Variants in OR52A1 observed in about 807,000 individuals in gnomAD.
OR52A1 encodes the protein olfactory receptor 52A1.
OR52A1 carries 14 observed loss-of-function variants against 14.3 expected under a neutral mutation model. The observed-to-expected ratio is 0.98, with a 90% CI of 0.65 to 1.54. The LOEUF (loss-of-function observed/expected upper bound fraction) is 1.54, where lower values mean the gene tolerates loss of function less well. OR52A1 is among the 40% of genes most tolerant of loss of function. The pLI is 0.00. For missense variants in OR52A1, 405 were observed against 381.3 expected, an observed-to-expected ratio of 1.06 and a Z score of -0.52; for synonymous variants, 151 against 135.3, an observed-to-expected ratio of 1.12 and a Z score of -0.80.
Position 5,154,494 on chromosome 11 carries a change from G to A in OR52A1, c.-369C>T, listed in dbSNP as rs1369984176. On this transcript the variant is annotated 5_prime_UTR_variant, in exon 1 of 2. Transcript: ENST00000380367. ...CCAGCTTCATTCCCTTAAGTTGTGG[G>A]TTCTGTGATGGCTCTACTTTCTGTC... 1 of 152,148 alleles carries A rather than the reference G, an allele frequency of 6.6e-6. No individual in the cohort carries two copies. Among genetic ancestry groups the A allele is most frequent in the Non-Finnish European group, 1.5e-5 (1 of 68,036 alleles). The allele number at this position is 152,148 out of a possible 1,614,324, so 9.4% of individuals were successfully genotyped here. A position where few individuals can be genotyped will look rare whatever the true frequency, so the allele number is the denominator to read the frequency against.
At position 5,151,827 on chromosome 11, in the gene OR52A1, G is replaced by A; in HGVS notation, c.543C>T (p.Tyr181=). ...GTTTCACAATGGCCATATGCTCACA[G>A]TAGGAGTGGGAGATGACTGTTGTGT... ...FYHTTVISHS[Y]CEHMAIVKLA... The change falls in exon 2 of 2, where the codon TAC becomes TAT. Residue 181 remains tyrosine (Y), a synonymous_variant. Transcript: ENST00000380367. 1 of 1,614,164 alleles carries A rather than the reference G, an allele frequency of 6.2e-7. No homozygotes were observed. The highest frequency in any genetic ancestry group is 8.5e-7 in the Non-Finnish European group (1 of 1,180,018).
chr11:5,149,654 G>T lies in OR52A1; in HGVS notation c.*1777C>A, dbSNP rs1040092714. ...ATATTAATGCCTACATGATATTCTT[G>T]AATTTGCCTCTTTTTCCATAAAGCC... On this transcript the variant is annotated 3_prime_UTR_variant, in exon 2 of 2. Coordinates refer to ENST00000380367, the MANE Select transcript of OR52A1 (RefSeq NM_012375.3). The T allele has an allele frequency of 1.1e-4, 16 of 151,996 alleles. 1 individual carries two copies. Among genetic ancestry groups the T allele is most frequent in the African/African-American group, 3.9e-4 (16 of 41,388 alleles). 9.4% of individuals were successfully genotyped at this position (151,996 alleles called of 1,614,324 possible). A position where few individuals can be genotyped will look rare whatever the true frequency, so the allele number is the denominator to read the frequency against.
In OR52A1 at chr11:5,151,792, G is replaced by T; in HGVS notation, c.578C>A (p.Ala193Glu). The change falls in exon 2 of 2, where the codon GCA (alanine) becomes GAA (glutamate). Residue 193 changes from alanine to glutamate, a missense_variant. Physicochemically the swap from Ala to Glu is moderately radical, Grantham distance 107. Transcript: ENST00000380367. ...EHMAIVKLAA[A>E]NVQVNKIYGL... ...ATAGATTTTGTTGACTTGAACATTT[G>T]CTGCTGCTAGTTTCACAATGGCCAT... 2 of 1,614,138 alleles carry T rather than the reference G, an allele frequency of 1.2e-6. No individual in the cohort carries two copies. Among genetic ancestry groups the T allele is most frequent in the South Asian group, 2.2e-5 (2 of 91,076 alleles).
Position 5,150,771 on chromosome 11 carries a change from T to C in OR52A1, c.*660A>G, listed in dbSNP as rs941173980. 18 of 152,156 alleles carry C rather than the reference T, an allele frequency of 1.2e-4. No individual in the cohort carries two copies. Among genetic ancestry groups the C allele is most frequent in the Middle Eastern group, 3.2e-3 (1 of 316 alleles). The allele number at this position is 152,156 out of a possible 1,614,324, so 9.4% of individuals were successfully genotyped here. A position where few individuals can be genotyped will look rare whatever the true frequency, so the allele number is the denominator to read the frequency against. ...TTACTATTATGTCACGATTCTGTAG[T>C]ATAGTATTTTTAATATTGCAGGTTT... On this transcript the variant is annotated 3_prime_UTR_variant, in exon 2 of 2. Transcript: ENST00000380367.
intron 1 of OR52A1, among the ~76,000 whole-genome samples, chr11:5,153,100 T>C (rs986392104): frequency 6.6e-6 from 1 of 152,210 alleles, no homozygotes; most frequent in African/African-American, 2.4e-5. Flanking sequence ...TGAAATGTTG[T>C]GAGTTTAAAA....
chr11:5,147,667 A>G lies in OR52A1; in HGVS notation c.*3764T>C, dbSNP rs1846494848. 6.6e-6 allele frequency: 1 copy of G among 152,190 alleles called. No individual in the cohort carries two copies. Among genetic ancestry groups the G allele is most frequent in the African/African-American group, 2.4e-5 (1 of 41,442 alleles). The allele number at this position is 152,190 out of a possible 1,614,324, so 9.4% of individuals were successfully genotyped here. On this transcript the variant is annotated 3_prime_UTR_variant, in exon 2 of 2. Transcript: ENST00000380367. ...TATGTATAGGTATACATATCTGCAT[A>G]TATGTGTATATACATATATGTATGC...
rs112884296 is a variant in OR52A1 at position 5,151,461 on chromosome 11, G to T, written c.909C>A (p.Arg303=). The change falls in exon 2 of 2, where the codon CGC becomes CGA. Residue 303 remains arginine (R), a synonymous_variant. Transcript: ENST00000380367. ...AACAGAACATTTTTACCACATGAAT[G>T]CGAATCTGTGTGGTCTTTGCACCAT... ...LVYGAKTTQI[R]IHVVKMFCS 6.2e-7 allele frequency: 1 copy of T among 1,611,624 alleles called. No individual in the cohort carries two copies. The highest frequency in any genetic ancestry group is 1.1e-5 in the South Asian group (1 of 90,412).
Position 5,151,911 on chromosome 11 carries a change from C to T in OR52A1, c.459G>A (p.Arg153=), listed in dbSNP as rs376770706. The T allele has an allele frequency of 2.5e-5, 41 of 1,613,844 alleles. No homozygotes were observed. Among genetic ancestry groups the T allele is most frequent in the Non-Finnish European group, 3.4e-5 (40 of 1,180,000 alleles). Residue 153 remains arginine (R), a synonymous_variant, in exon 2 of 2, where the codon AGG becomes AGA. Coordinates refer to ENST00000380367, the MANE Select transcript of OR52A1 (RefSeq NM_012375.3). The part of the protein sequence containing the change: ...VIQIGTMVVL[R]AAILVAPCLV... Reference sequence around the variant, plus strand: ...GGCATGGGGCTACAAGAATAGCAGCCCTGAGTACGACCATAGTTCCTATCT... The same window carrying T: ...GGCATGGGGCTACAAGAATAGCAGCTCTGAGTACGACCATAGTTCCTATCT...
At position 5,147,864 on chromosome 11, in the gene OR52A1, C is replaced by T. The variant is rs1056398274; in HGVS notation, c.*3567G>A. On this transcript the variant is annotated 3_prime_UTR_variant, in exon 2 of 2. Coordinates refer to ENST00000380367, the MANE Select transcript of OR52A1 (RefSeq NM_012375.3). ...CTGGAGTGCAGTGGAGACATCTCGA[C>T]TCACCGCAACTTCTGCCTCCCGGGT... The T allele has an allele frequency of 2.0e-5, 3 of 149,940 alleles. No homozygotes were observed. Among genetic ancestry groups the T allele is most frequent in the Admixed American group, 6.6e-5 (1 of 15,062 alleles). 9.3% of individuals were successfully genotyped at this position (149,940 alleles called of 1,614,324 possible).
At position 5,152,359 on chromosome 11, in the gene OR52A1, G is replaced by C. The variant is rs932994501; in HGVS notation, c.11C>G (p.Ser4Cys). The C allele has an allele frequency of 1.9e-6, 3 of 1,597,032 alleles. No homozygotes were observed. In the Admixed American group the frequency reaches 5.1e-5, roughly 27 times the overall value. ...AGAGGGCATGTAGACTGTGATGTTGGAAATGGACATAGTGTCGTTGGGTCT... is the reference window on the plus strand; with the variant it reads ...AGAGGGCATGTAGACTGTGATGTTGCAAATGGACATAGTGTCGTTGGGTCT... MSISNITVYMPSVL... is the reference protein window; with the variant it reads MSICNITVYMPSVL... The change falls in exon 2 of 2, where the codon TCC becomes TGC. Residue 4 changes from serine to cysteine, a missense_variant. Transcript: ENST00000380367.
chr11:5,153,797 T>C (rs964145549), intron 1 of OR52A1, among the ~76,000 whole-genome samples: 2 of 149,344 alleles, frequency 1.3e-5, no homozygotes, highest in African/African-American at 4.9e-5. Context: ...AGGAAGTAGC[T>C]GTTCTTTGAA....
Position 5,151,432 on chromosome 11 carries a change from T to C in OR52A1, c.938A>G (p.Ter313=). The change falls in exon 2 of 2, where the codon TAA becomes TGA. Residue 313 remains the stop codon, a stop_retained_variant. Transcript: ENST00000380367. ...TGTAGGCATTAATTAAGGTGGATTTTATGAACAGAACATTTTTACCACATG... is the reference window on the plus strand; with the variant it reads ...TGTAGGCATTAATTAAGGTGGATTTCATGAACAGAACATTTTTACCACATG... ...RIHVVKMFCS[*] 6.2e-7 allele frequency: 1 copy of C among 1,600,546 alleles called. No individual in the cohort carries two copies. The highest frequency in any genetic ancestry group is 1.3e-5 in the African/African-American group (1 of 74,622).
At position 5,154,715 on chromosome 11, in the gene OR52A1, A is replaced by C. The variant is rs1411885707; in HGVS notation, c.-590T>G. 6.6e-6 allele frequency: 1 copy of C among 152,088 alleles called. No individual in the cohort carries two copies. Among genetic ancestry groups the C allele is most frequent in the African/African-American group, 2.4e-5 (1 of 41,404 alleles). 9.4% of individuals were successfully genotyped at this position (152,088 alleles called of 1,614,324 possible). A position where few individuals can be genotyped will look rare whatever the true frequency, so the allele number is the denominator to read the frequency against. On this transcript the variant is annotated 5_prime_UTR_variant, in exon 1 of 2. Coordinates refer to ENST00000380367, the MANE Select transcript of OR52A1 (RefSeq NM_012375.3). ...CTTTGTGTGCTCATCCCCCAGTAAAACTCATAGTGAGGTCTGTAGCATTCT... is the reference window on the plus strand; with the variant it reads ...CTTTGTGTGCTCATCCCCCAGTAAACCTCATAGTGAGGTCTGTAGCATTCT...
At position 5,151,934 on chromosome 11, in the gene OR52A1, T is replaced by C; in HGVS notation, c.436A>G (p.Ile146Val). ...GCCCTGAGTACGACCATAGTTCCTA[T>C]CTGAATGACAAGCTGGTGGGTGAAG... ...NIFTHQLVIQ[I>V]GTMVVLRAAI... is the part of the protein sequence containing the mutation. Residue 146 changes from isoleucine to valine, a missense_variant, in exon 2 of 2, where the codon ATA (isoleucine) becomes GTA (valine). By Grantham distance (29) the Ile-to-Val change is conservative (BLOSUM62 3). Transcript: ENST00000380367. 1.9e-6 allele frequency: 3 copies of C among 1,614,038 alleles called. No homozygotes were observed. Among genetic ancestry groups the C allele is most frequent in the Non-Finnish European group, 2.5e-6 (3 of 1,179,996 alleles).
At position 5,152,504 on chromosome 11, in the gene OR52A1, T is replaced by A; in HGVS notation, c.-135A>T. ...TTGGGTATAACTCTAAAATCATCCA[T>A]CTTATTCACAGTTTTGAAAGGAAAA... On this transcript the variant is annotated 5_prime_UTR_variant, in exon 2 of 2. An upstream start codon of the reference 5' UTR is lost. Coordinates refer to ENST00000380367, the MANE Select transcript of OR52A1 (RefSeq NM_012375.3). 1 of 640,530 alleles carries A rather than the reference T, an allele frequency of 1.6e-6. No individual in the cohort carries two copies. The highest frequency in any genetic ancestry group is 2.3e-5 in the South Asian group (1 of 43,908). 39.7% of individuals were successfully genotyped at this position (640,530 alleles called of 1,614,324 possible).
chr11:5,149,542 TTTAA>T lies in OR52A1; in HGVS notation c.*1885_*1888del, dbSNP rs776623924. On this transcript the variant is annotated 3_prime_UTR_variant, in exon 2 of 2. Transcript: ENST00000380367. The stretch of plus-strand genomic sequence containing the variant: ...CTATTATTTTAATTAGTAGACCTTC[TTTAA>T]TTAAAGACAATGCAATTATTATTGT... 3.2e-4 allele frequency: 49 copies of T among 152,236 alleles called. No homozygotes were observed. The highest frequency in any genetic ancestry group is 6.5e-4 in the Non-Finnish European group (44 of 68,042). The allele number at this position is 152,236 out of a possible 1,614,324, so 9.4% of individuals were successfully genotyped here.
In OR52A1 at chr11:5,151,381, G is replaced by A. The variant is rs1308093465; in HGVS notation, c.*50C>T. 1 of 1,421,932 alleles carries A rather than the reference G, an allele frequency of 7.0e-7. No homozygotes were observed. The highest frequency in any genetic ancestry group is 2.3e-5 in the East Asian group (1 of 43,830). The allele number at this position is 1,421,932 out of a possible 1,614,324, so 88.1% of individuals were successfully genotyped here. ...TATGTTTTTTGTTTTGTTTTGATAT[G>A]GTTACTACTGCAAAAGAAAAAAGCA... On this transcript the variant is annotated 3_prime_UTR_variant, in exon 2 of 2. Transcript: ENST00000380367.
At position 5,151,284 on chromosome 11, in the gene OR52A1, T is replaced by C. The variant is rs997049380; in HGVS notation, c.*147A>G. ...CACGTAGAATTCACAATCCCACTGA[T>C]TGATATGAGCCATGATGATCTAAAA... is the stretch of plus-strand genomic sequence containing the variant. On this transcript the variant is annotated 3_prime_UTR_variant, in exon 2 of 2. Coordinates refer to ENST00000380367, the MANE Select transcript of OR52A1 (RefSeq NM_012375.3). 67 of 659,634 alleles carry C rather than the reference T, an allele frequency of 1.0e-4. No individual in the cohort carries two copies. The highest frequency in any genetic ancestry group is 3.7e-5 in the Non-Finnish European group (14 of 376,074). 40.9% of individuals were successfully genotyped at this position (659,634 alleles called of 1,614,324 possible). A position where few individuals can be genotyped will look rare whatever the true frequency, so the allele number is the denominator to read the frequency against.
At chr11:5,153,328 C>T (rs904490687) in intron 1 of OR52A1, among the ~76,000 whole-genome samples, 5 of 152,096 alleles carry the variant, frequency 3.3e-5, no homozygotes, top group African/African-American at 1.2e-4. Flanking sequence ...CTCATTAGTT[C>T]TTAATGAAAT....
Sources: gnomAD v4.1 joint callset for allele counts (sites outside exome capture counted in the v4.1 genomes callset) on GRCh38, gnomAD v4.1.1 for gene constraint, MANE v1.5 for transcripts, NCBI Gene and HGNC (gene_info 2026-07-23, HGNC 2026-07-21) for gene names.